Variants in C6orf89 observed in about 807,000 individuals in gnomAD.
C6orf89 encodes chromosome 6 open reading frame 89.
In C6orf89, 29 loss-of-function variants were observed where a neutral mutation model predicts 40.7. The ratio of observed to expected loss-of-function variants is 0.71; its 90% confidence interval spans 0.53 to 0.97. The LOEUF (loss-of-function observed/expected upper bound fraction) is 0.97, where lower values mean the gene tolerates loss of function less well. C6orf89 is among the 50% of genes least tolerant of loss of function. The pLI is 0.00. For missense variants in C6orf89, 392 were observed against 429.1 expected (o/e 0.91, Z 0.76); for synonymous variants, 165 against 152.2 (o/e 1.08, Z -0.62).
At chr6:36,885,765 G>C (rs1264234836), upstream of C6orf89, 10 of 374,654 alleles carry the variant, frequency 2.7e-5, no homozygotes, top group South Asian at 1.4e-4. Flanking sequence ...AAAAGAGCCA[G>C]AACGGAAGAA....
At chr6:36,874,776 G>T in intron 1 of C6orf89, 1 of 1,614,106 alleles carries the variant, frequency 6.2e-7, no homozygotes, top group Non-Finnish European at 8.5e-7. Context: ...CCGCCATAGC[G>T]AAGCCGGCGG....
Position 36,918,714 on chromosome 6 carries a change from C to T in C6orf89, c.826-864C>T, listed in dbSNP as rs772916071. Among the ~76,000 whole-genome samples the T allele has an allele frequency of 3.2e-4, 48 of 152,150 alleles. 1 individual carries two copies. Among genetic ancestry groups the T allele is most frequent in the African/African-American group, 1.1e-3 (44 of 41,422 alleles). Reference sequence around the variant, plus strand: ...TGAGAGAAGAGGCCCTAGGGGTTTTCTGTCATCATCAAGGTAAGGAGAAAT... The same window carrying T: ...TGAGAGAAGAGGCCCTAGGGGTTTTTTGTCATCATCAAGGTAAGGAGAAAT... On this transcript the variant is annotated intron_variant, in intron 7 of 8. Transcript: ENST00000480824.
At chr6:36,906,448 G>T (rs1282603109) in intron 4 of C6orf89, among the ~76,000 whole-genome samples, 3 of 152,226 alleles carry the variant, frequency 2.0e-5, no homozygotes, top group Non-Finnish European at 4.4e-5. Context: ...GGAAACTGAT[G>T]TGCAAGGGGA....
intron 4 of C6orf89, among the ~76,000 whole-genome samples, chr6:36,910,893 A>T (rs1465489450): frequency 6.6e-6 from 1 of 152,176 alleles, no homozygotes; most frequent in African/African-American, 2.4e-5. Context: ...TCAGTTTTTA[A>T]CTGATTGTGG....
chr6:36,888,840 G>T (rs538706949), intron 1 of C6orf89, among the ~76,000 whole-genome samples: 2 of 152,254 alleles, frequency 1.3e-5, no homozygotes, highest in South Asian at 4.1e-4. Context: ...TTTCATTGGT[G>T]GGAGTGAGGT....
rs1762355401 is a variant in C6orf89 at position 36,917,171 on chromosome 6, C to T, written c.825+597C>T. Among the ~76,000 whole-genome samples, 5 of 152,308 alleles carry T rather than the reference C, an allele frequency of 3.3e-5. No individual in the cohort carries two copies. The South Asian group carries it at 1.0e-3, about 32-fold the overall frequency. ...ATTAAGTGAGTTGCCCAAGGACACA[C>T]CCTTTACCCTCTCACCCCCAGGATG... On this transcript the variant is annotated intron_variant, in intron 7 of 8. Coordinates refer to ENST00000480824, the MANE Select transcript of C6orf89 (RefSeq NM_001286635.2).
At chr6:36,884,668 T>A (rs1488389520), upstream of C6orf89, among the ~76,000 whole-genome samples, 1 of 152,192 alleles carries the variant, frequency 6.6e-6, no homozygotes, top group African/African-American at 2.4e-5. This position sits in a 1 kb window ranked among gnomAD's most constrained non-coding sequence, Gnocchi z 4.0. Flanking sequence ...GGTCACGCTG[T>A]CACCTAAGTA....
At chr6:36,915,829 C>G (rs980109327) in intron 6 of C6orf89, among the ~76,000 whole-genome samples, 1 of 152,162 alleles carries the variant, frequency 6.6e-6, no homozygotes, top group Non-Finnish European at 1.5e-5. Context: ...CTGTTCCTTC[C>G]TGTGCCCTGC....
intron 1 of C6orf89, 55 bp downstream of exon 1, chr6:36,886,083 G>GCCA (rs1774972707): frequency 3.7e-5 from 46 of 1,239,614 alleles, no homozygotes; most frequent in Non-Finnish European, 4.7e-5. Context: ...TGACAGCCTC[G>GCCA]CCGCGCCCGT....
chr6:36,888,530 AGGCT>A (rs911242164), intron 1 of C6orf89, among the ~76,000 whole-genome samples: 2 of 152,178 alleles, frequency 1.3e-5, no homozygotes, highest in African/African-American at 4.8e-5. Flanking sequence ...GCTACTCCAG[AGGCT>A]GAGGCACGAG....
At chr6:36,893,047 G>T (rs984306904) in intron 1 of C6orf89, among the ~76,000 whole-genome samples, 1 of 151,854 alleles carries the variant, frequency 6.6e-6, no homozygotes, top group African/African-American at 2.4e-5. Flanking sequence ...CCATTCTCCT[G>T]CCTCAGCCTC....
intron 1 of C6orf89, among the ~76,000 whole-genome samples, chr6:36,893,069 G>C (rs1452570821): frequency 5.3e-5 from 8 of 152,002 alleles, no homozygotes; most frequent in Non-Finnish European, 2.9e-5. Flanking sequence ...CAAGTAGCTG[G>C]GATTACAGGC....
chr6:36,907,750 A>G (rs1044146109), intron 4 of C6orf89, among the ~76,000 whole-genome samples: 8 of 152,174 alleles, frequency 5.3e-5, no homozygotes, highest in Admixed American at 3.3e-4. Flanking sequence ...GGAAGTTGCT[A>G]TATAATTTAC....
chr6:36,924,204 C>T lies in C6orf89; in HGVS notation c.*763C>T. On this transcript the variant is annotated 3_prime_UTR_variant, in exon 9 of 9. Transcript: ENST00000480824. ...GAAGCTCGGCCCTAGTCCTCCCTGC[C>T]TTGGCGGGGCCAGAGCCCACTACTG... is the stretch of plus-strand genomic sequence containing the variant. The T allele has an allele frequency of 6.5e-6, 1 of 154,696 alleles. No homozygotes were observed. The highest frequency in any genetic ancestry group is 6.3e-5 in the Admixed American group (1 of 15,826). The allele number at this position is 154,696 out of a possible 1,614,324, so 9.6% of individuals were successfully genotyped here. A position where few individuals can be genotyped will look rare whatever the true frequency, so the allele number is the denominator to read the frequency against.
intron 4 of C6orf89, among the ~76,000 whole-genome samples, chr6:36,904,814 G>A (rs1269311605): frequency 6.6e-6 from 1 of 152,124 alleles, no homozygotes; most frequent in African/African-American, 2.4e-5. Context: ...ACACTCCCAG[G>A]GTCATCTGGT....
At chr6:36,878,886 C>G (rs573553576) in intron 1 of C6orf89, 2 of 152,172 alleles carry the variant, frequency 1.3e-5, no homozygotes, top group Admixed American at 1.3e-4. Context: ...GTTCTGATCA[C>G]GAGTCACCCC....
chr6:36,913,764 T>C (rs1201531177), intron 4 of C6orf89, among the ~76,000 whole-genome samples: 1 of 151,750 alleles, frequency 6.6e-6, no homozygotes, highest in Non-Finnish European at 1.5e-5. Context: ...CAGAGAAGAG[T>C]ACCTCTCCTT....
intron 8 of C6orf89, among the ~76,000 whole-genome samples, chr6:36,920,711 C>G (rs538392847): frequency 1.3e-5 from 2 of 151,496 alleles, no homozygotes; most frequent in African/African-American, 2.4e-5. Context: ...TGGGAAACTT[C>G]CTACAAAAAC....
At chr6:36,873,693 T>C (rs1245964736) in intron 1 of C6orf89, among the ~76,000 whole-genome samples, 1 of 152,164 alleles carries the variant, frequency 6.6e-6, no homozygotes. Flanking sequence ...GTGGGGAAGA[T>C]GGCCAGGGAG....
Sources: allele counts gnomAD v4.1 joint callset (sites outside exome capture counted in the v4.1 genomes callset), GRCh38; gene constraint gnomAD v4.1.1; non-coding constraint Gnocchi (gnomAD v3.1); transcripts MANE v1.5; gene names NCBI Gene and HGNC (gene_info 2026-07-23, HGNC 2026-07-21).